Variants in MCTP2 observed in about 807,000 individuals in gnomAD.
MCTP2 encodes multiple C2 and transmembrane domain-containing protein 2.
A neutral mutation model predicts 111.6 loss-of-function variants in MCTP2; 132 were observed. The ratio of observed to expected loss-of-function variants is 1.18; its 90% CI spans 1.03 to 1.37. The LOEUF (loss-of-function observed/expected upper bound fraction) is 1.37, where lower values mean the gene tolerates loss of function less well. Ranked by LOEUF, MCTP2 falls within the 40% of genes most tolerant of loss-of-function variation. The pLI is 0.00. For missense variants in MCTP2, 1,183 were observed against 1,067.9 expected, an observed-to-expected ratio of 1.11 and a Z score of -1.50; for synonymous variants, 395 against 387.7, an observed-to-expected ratio of 1.02 and a Z score of -0.22.
chr15:94,454,146 TAACTC>T (rs2084649148), intron 19 of MCTP2, among the ~76,000 whole-genome samples: 1 of 152,230 alleles, frequency 6.6e-6, no homozygotes, highest in African/African-American at 2.4e-5. Flanking sequence ...TTTTGCAAGT[TAACTC>T]TACAAATACT....
intron 1 of MCTP2, among the ~76,000 whole-genome samples, chr15:94,242,769 G>A (rs1022650384): frequency 6.6e-6 from 1 of 151,360 alleles, no homozygotes; most frequent in African/African-American, 2.4e-5. Context: ...AGGTCAGAAA[G>A]CGAGTATTGC....
chr15:94,449,295 AC>A (rs1185839118), intron 19 of MCTP2, among the ~76,000 whole-genome samples: 3 of 152,236 alleles, frequency 2.0e-5, no homozygotes, highest in Non-Finnish European at 4.4e-5. Flanking sequence ...CTCATTCAGT[AC>A]TCAAAACAAA....
chr15:94,282,056 A>C (rs775476761), intron 1 of MCTP2, among the ~76,000 whole-genome samples: 1 of 152,102 alleles, frequency 6.6e-6, no homozygotes, highest in Non-Finnish European at 1.5e-5. Flanking sequence ...CAGGGGTTCT[A>C]TGAATTTCCT....
chr15:94,270,320 A>T (rs1394757054), intron 1 of MCTP2, among the ~76,000 whole-genome samples: 1 of 152,176 alleles, frequency 6.6e-6, no homozygotes, highest in African/African-American at 2.4e-5. Context: ...GTAAAGTTGG[A>T]GGTAAAATTA....
intron 1 of MCTP2, among the ~76,000 whole-genome samples, chr15:94,243,308 T>C (rs1213066241): frequency 1.9e-5 from 2 of 108,004 alleles, no homozygotes; most frequent in African/African-American, 6.6e-5. Context: ...TATACATACA[T>C]ACGTATGCGT....
At chr15:94,461,861 G>A (rs1480175577) in intron 20 of MCTP2, among the ~76,000 whole-genome samples, 1 of 152,134 alleles carries the variant, frequency 6.6e-6, no homozygotes, top group East Asian at 1.9e-4. Flanking sequence ...GAATCCTGAT[G>A]GGGACATGGG....
intron 20 of MCTP2, among the ~76,000 whole-genome samples, chr15:94,467,022 GC>G (rs969531959): frequency 2.0e-5 from 3 of 152,040 alleles, no homozygotes; most frequent in African/African-American, 7.2e-5. Context: ...AATGAGGGTA[GC>G]TAACACTTAT....
At chr15:94,474,281 C>T (rs1243735890) in intron 21 of MCTP2, among the ~76,000 whole-genome samples, 1 of 152,076 alleles carries the variant, frequency 6.6e-6, no homozygotes, top group Non-Finnish European at 1.5e-5. Flanking sequence ...TGCTCACTTC[C>T]TTTGTCTCCT....
chr15:94,338,997 T>C (rs1361517483), intron 4 of MCTP2, among the ~76,000 whole-genome samples: 1 of 152,224 alleles, frequency 6.6e-6, no homozygotes, highest in East Asian at 1.9e-4. Context: ...TGTTAGCTTG[T>C]GCTGGTAGAT....
chr15:94,455,470 G>A (rs972437720), intron 19 of MCTP2, among the ~76,000 whole-genome samples: 8 of 151,416 alleles, frequency 5.3e-5, no homozygotes, highest in Non-Finnish European at 1.2e-4. Context: ...ACGGAGTCTC[G>A]CTCTGTCGCC....
At chr15:94,464,261 A>ATTATATATATATATATATTATAT (rs375018037) in intron 20 of MCTP2, among the ~76,000 whole-genome samples, 1 of 43,326 alleles carries the variant, frequency 2.3e-5, no homozygotes, top group African/African-American at 8.1e-5. Flanking sequence ...TATATATTAT[A>ATTATATATATATATATATTATAT]TATATATATA....
intron 20 of MCTP2, among the ~76,000 whole-genome samples, chr15:94,461,494 A>G (rs2085205948): frequency 6.6e-6 from 1 of 152,110 alleles, no homozygotes; most frequent in Non-Finnish European, 1.5e-5. Flanking sequence ...ACCATGCAGC[A>G]TTTATGCTAG....
intron 6 of MCTP2, 48 bp from the exon 7 acceptor site, chr15:94,340,765 C>T (rs145536696): frequency 2.4e-5 from 29 of 1,186,774 alleles, no homozygotes; most frequent in Admixed American, 7.0e-5. Flanking sequence ...TAGGTCAATA[C>T]AGTCCTGTCA....
chr15:94,351,942 C>T (rs1033439545), intron 8 of MCTP2, among the ~76,000 whole-genome samples: 2 of 152,170 alleles, frequency 1.3e-5, no homozygotes, highest in African/African-American at 2.4e-5. Flanking sequence ...TAAGAGGCAC[C>T]ACCTGGCCTC....
chr15:94,469,275 C>T lies in MCTP2; in HGVS notation c.2361-1058C>T, dbSNP rs146336657. 9.9e-5 allele frequency among the ~76,000 whole-genome samples: 15 copies of T among 152,254 alleles called. No homozygotes were observed. The South Asian group carries it at 1.9e-3, about 19-fold the overall frequency. ...AAATACTCTCGGCACCTCAGTAGGG[C>T]GTTCGATCTCTAGGAATGCACATGA... On this transcript the variant is annotated intron_variant, in intron 20 of 22. Coordinates refer to ENST00000357742, the MANE Select transcript of MCTP2 (RefSeq NM_001385001.1).
At chr15:94,311,178 C>A (rs564599679) in intron 2 of MCTP2, among the ~76,000 whole-genome samples, 1 of 151,968 alleles carries the variant, frequency 6.6e-6, no homozygotes, top group Non-Finnish European at 1.5e-5. Context: ...GTGCACGCCA[C>A]CACACCCGGC....
At chr15:94,313,267 G>C (rs2076230164) in intron 2 of MCTP2, among the ~76,000 whole-genome samples, 1 of 152,180 alleles carries the variant, frequency 6.6e-6, no homozygotes, top group South Asian at 2.1e-4. Flanking sequence ...CTCTGTTAAA[G>C]TTCCAGAAAC....
chr15:94,274,479 A>T (rs1208291849), intron 1 of MCTP2, among the ~76,000 whole-genome samples: 1 of 152,134 alleles, frequency 6.6e-6, no homozygotes, highest in Non-Finnish European at 1.5e-5. Flanking sequence ...GTATTAATAA[A>T]CTTGCAGGAT....
At chr15:94,315,492 A>G in intron 3 of MCTP2, 37 bp from the exon 4 acceptor site, 1 of 1,488,060 alleles carries the variant, frequency 6.7e-7, no homozygotes, top group Non-Finnish European at 9.4e-7. Context: ...CTTGGGCCCA[A>G]GACATACTGT....
Sources: allele counts gnomAD v4.1 joint callset (sites outside exome capture counted in the v4.1 genomes callset), GRCh38; gene constraint gnomAD v4.1.1; transcripts MANE v1.5; gene names NCBI Gene and HGNC (gene_info 2026-07-23, HGNC 2026-07-21).